SEC16A: variants seen among roughly 807,000 people sequenced by gnomAD.
SEC16A encodes the protein SEC16 homolog A, endoplasmic reticulum export factor.
SEC16A carries 110 observed loss-of-function variants against 221.9 expected under a neutral mutation model. The ratio of observed to expected loss-of-function variants is 0.50; its 90% CI spans 0.42 to 0.58. The LOEUF is 0.58. Ranked by LOEUF, SEC16A falls within the 20% of genes least tolerant of loss-of-function variation. The probability of loss-of-function intolerance (pLI) is 0.00; values close to 1 mark genes in which losing one functional copy is unlikely to be tolerated. For missense variants in SEC16A, 3,165 were observed against 3,097.8 expected (o/e 1.02, Z -0.52); for synonymous variants, 1,393 against 1,257.7 (o/e 1.11, Z -2.28).
Position 136,459,756 on chromosome 9 carries a change from C to A in SEC16A, c.5191+1G>T. On this transcript the variant is annotated splice_donor_variant, in intron 15 of 31. Coordinates refer to ENST00000684901, the MANE Select transcript of SEC16A (RefSeq NM_014866.2). LOFTEE classifies it high-confidence loss of function. The surrounding 1 kb of genome is among the most constrained non-coding windows in gnomAD (Gnocchi z 6.1). Reference sequence around the variant, plus strand: ...AATGCCCATCTCCACCCCTGACCTACCCAGAGTGTCGCCCATGGTAGCCAT... The same window carrying A: ...AATGCCCATCTCCACCCCTGACCTAACCAGAGTGTCGCCCATGGTAGCCAT... The A allele has an allele frequency of 6.2e-7, 1 of 1,605,088 alleles. No homozygotes were observed. Among genetic ancestry groups the A allele is most frequent in the Non-Finnish European group, 8.5e-7 (1 of 1,175,696 alleles).
Position 136,446,890 on chromosome 9 carries a change from C to T in SEC16A, c.6757G>A (p.Gly2253Ser), listed in dbSNP as rs1316610543. The T allele has an allele frequency of 3.7e-6, 6 of 1,613,112 alleles. No individual in the cohort carries two copies. Among genetic ancestry groups the T allele is most frequent in the Non-Finnish European group, 5.1e-6 (6 of 1,179,710 alleles). ...TGREGPAAAR[G>S]LANPEPAPEP... ...GGGGCAGGCTCTGGATTGGCCAGGC[C>T]CCTAGCTGCTGCAGGCCCTTCCCTG... is the stretch of plus-strand genomic sequence containing the variant. Residue 2253 changes from glycine (G) to serine (S), a missense_variant, in exon 28 of 32, where the codon GGC becomes AGC. Transcript: ENST00000684901.
At position 136,477,416 on chromosome 9, in the gene SEC16A, A is replaced by C; in HGVS notation, c.200T>G (p.Leu67Arg). 1 of 1,614,030 alleles carries C rather than the reference A, an allele frequency of 6.2e-7. No individual in the cohort carries two copies. Among genetic ancestry groups the C allele is most frequent in the Non-Finnish European group, 8.5e-7 (1 of 1,179,886 alleles). ...FSRQALQSTP[L>R]GSSSKSSPPV... ...TGGACTGCTTTTGGACGAACTGCCCAGTGGTGTACTTTGGAGCGCCTGTCT... is the reference window on the plus strand; with the variant it reads ...TGGACTGCTTTTGGACGAACTGCCCCGTGGTGTACTTTGGAGCGCCTGTCT... The change falls in exon 3 of 32, where the codon CTG becomes CGG. Residue 67 changes from leucine to arginine, a missense_variant. Coordinates refer to ENST00000684901, the MANE Select transcript of SEC16A (RefSeq NM_014866.2).
At chr9:136,457,662 C>G in intron 17 of SEC16A, 78 bp from the exon 18 acceptor site, 1 of 1,500,748 alleles carries the variant, frequency 6.7e-7, no homozygotes, top group Non-Finnish European at 9.0e-7. Flanking sequence ...TTGTACTGCC[C>G]TGAGGCTCCC....
rs1839243716 is a variant in SEC16A at position 136,459,925 on chromosome 9, T to C, written c.5074-51A>G. The C allele has an allele frequency of 6.4e-7, 1 of 1,565,504 alleles. No homozygotes were observed. Among genetic ancestry groups the C allele is most frequent in the African/African-American group, 1.4e-5 (1 of 73,792 alleles). On this transcript the variant is annotated intron_variant, in intron 14 of 31. Transcript: ENST00000684901. This position sits in a 1 kb window ranked among gnomAD's most constrained non-coding sequence, Gnocchi z 6.1. The stretch of plus-strand genomic sequence containing the variant: ...GCCTCATCCCCGGAAGCCAGCGCCA[T>C]TTCAATTCCACACAGCTGGGCTCAC...
chr9:136,465,931 C>G, intron 8 of SEC16A, 31 bp downstream of exon 8: 1 of 1,592,446 alleles, frequency 6.3e-7, no homozygotes, highest in Non-Finnish European at 8.6e-7. Context: ...GTGGGGTTAG[C>G]CGGTATCCCT....
intron 23 of SEC16A, among the ~76,000 whole-genome samples, chr9:136,451,036 C>T (rs954502663): frequency 9.2e-5 from 14 of 152,122 alleles, no homozygotes; most frequent in Admixed American, 9.2e-4. Context: ...CTCTGGGGGC[C>T]GGGCTGTGTC....
rs566110306 is a variant in SEC16A, at chr9:136,474,298, G to A, written c.3318C>T (p.Val1106=). 3.0e-5 allele frequency: 48 copies of A among 1,609,658 alleles called. No homozygotes were observed. The highest frequency in any genetic ancestry group is 4.4e-5 in the South Asian group (4 of 90,608). The change falls in exon 3 of 32, where the codon GTC becomes GTT. Residue 1106 remains valine, a synonymous_variant. Coordinates refer to ENST00000684901, the MANE Select transcript of SEC16A (RefSeq NM_014866.2). ...SAQSPASLVL[V]DAGQQLPPRP... ...GAGGGGGCAGCTGCTGACCCGCGTC[G>A]ACCAGAACCAGACTTGCTGGTGACT...
rs549725311 is a variant in SEC16A at position 136,467,046 on chromosome 9, T to G, written c.3840A>C (p.Arg1280Ser). The G allele has an allele frequency of 6.2e-7, 1 of 1,613,962 alleles. No homozygotes were observed. Among genetic ancestry groups the G allele is most frequent in the East Asian group, 2.2e-5 (1 of 44,892 alleles). ...GHWDRYHYSA[R>S]VRDPRTYDRR... ...GGTCATAGGTGCGGGGGTCCCTGAC[T>G]CTAGCACTGTAGTGGTAACGATCCC... Residue 1280 changes from arginine to serine, a missense_variant, in exon 6 of 32, where the codon AGA becomes AGC. Coordinates refer to ENST00000684901, the MANE Select transcript of SEC16A (RefSeq NM_014866.2).
At chr9:136,478,223 G>A (rs955871168) in intron 2 of SEC16A, among the ~76,000 whole-genome samples, 4 of 151,960 alleles carry the variant, frequency 2.6e-5, no homozygotes, top group African/African-American at 4.8e-5. Context: ...TGAGCAACAG[G>A]GGGATCTCGT....
chr9:136,459,696 A>G lies in SEC16A; in HGVS notation c.5191+61T>C. The G allele has an allele frequency of 6.9e-7, 1 of 1,446,858 alleles. No individual in the cohort carries two copies. The highest frequency in any genetic ancestry group is 1.4e-5 in the African/African-American group (1 of 71,176). 89.6% of individuals were successfully genotyped at this position (1,446,858 alleles called of 1,614,324 possible). ...CTGGTGATTTCTGCCAACGCCACAG[A>G]CAACCGGGCCTTCGGCGCTCCATCC... is the stretch of plus-strand genomic sequence containing the variant. On this transcript the variant is annotated intron_variant, in intron 15 of 31. Coordinates refer to ENST00000684901, the MANE Select transcript of SEC16A (RefSeq NM_014866.2). This position sits in a 1 kb window ranked among gnomAD's most constrained non-coding sequence, Gnocchi z 6.1.
chr9:136,442,175 C>A (rs914029885), intron 31 of SEC16A, among the ~76,000 whole-genome samples: 2 of 152,240 alleles, frequency 1.3e-5, no homozygotes, highest in Non-Finnish European at 2.9e-5. Context: ...CTGCATGGGA[C>A]GCGGGGACCT....
Position 136,466,415 on chromosome 9 carries a change from C to A in SEC16A, c.3977G>T (p.Gly1326Val). ...NNWRYDPRFT[G>V]SFDDDPDPHR... ...CGGATCGGGGTCATCGTCAAAACTC[C>A]CCGTGAAGCGAGGATCGTACCTCCA... Residue 1326 changes from glycine to valine, a missense_variant, in exon 7 of 32, where the codon GGG becomes GTG. Gly to Val is a moderately radical substitution (Grantham distance 109). This residue lies in a region of SEC16A where 2,030 missense variants were observed against 1,923.1 expected (regional missense o/e 1.06). Transcript: ENST00000684901. The surrounding 1 kb of genome is among the most constrained non-coding windows in gnomAD (Gnocchi z 5.5). 6.2e-7 allele frequency: 1 copy of A among 1,607,348 alleles called. No homozygotes were observed. The highest frequency in any genetic ancestry group is 8.5e-7 in the Non-Finnish European group (1 of 1,177,176).
chr9:136,484,566 C>A (rs1200038997), upstream of SEC16A: 1 of 1,324,646 alleles, frequency 7.5e-7, no homozygotes, highest in Non-Finnish European at 1.0e-6. Context: ...CCGATGGCAT[C>A]GCGGGAGGCT....
rs1474183553 is a variant in SEC16A at position 136,454,222 on chromosome 9, G to T, written c.5963C>A (p.Thr1988Asn). The change falls in exon 21 of 32, where the codon ACC (threonine) becomes AAC (asparagine). Residue 1988 changes from threonine to asparagine, a missense_variant. By Grantham distance (65) the Thr-to-Asn change is moderately conservative. Transcript: ENST00000684901. Reference protein sequence around the residue: ...GPLEPGPGCVTPGPALGFLEP... With the variant: ...GPLEPGPGCVNPGPALGFLEP... ...CAGGAAGCCAAGTGCAGGCCCTGGG[G>T]TCACACAGCCAGGACCCGGCTCCAG... 6.4e-7 allele frequency: 1 copy of T among 1,569,368 alleles called. No individual in the cohort carries two copies. Among genetic ancestry groups the T allele is most frequent in the Non-Finnish European group, 8.6e-7 (1 of 1,157,144 alleles).
In SEC16A at chr9:136,472,062, G is replaced by C; in HGVS notation, c.3617C>G (p.Ala1206Gly). The change falls in exon 4 of 32, where the codon GCG becomes GGG. Residue 1206 changes from alanine to glycine, a missense_variant. Physicochemically the swap from Ala to Gly is moderately conservative, Grantham distance 60 (BLOSUM62 0). This residue lies in a region of SEC16A where 2,030 missense variants were observed against 1,923.1 expected (regional missense o/e 1.06). Coordinates refer to ENST00000684901, the MANE Select transcript of SEC16A (RefSeq NM_014866.2). ...GCGGTAGTTCTGGGCGTAAGCAGAC[G>C]CAGCACCATCATAGGGCCTGTATCG... ...EPRYRPYDGA[A>G]SAYAQNYRYP... 1 of 1,613,558 alleles carries C rather than the reference G, an allele frequency of 6.2e-7. No individual in the cohort carries two copies. Among genetic ancestry groups the C allele is most frequent in the East Asian group, 2.2e-5 (1 of 44,874 alleles).
Position 136,480,007 on chromosome 9 carries a change from AAAAG to A in SEC16A, c.-191-1181_-191-1178del, listed in dbSNP as rs528881345. ...ACAGAGTGAAACTGTCTCAAAAAAA[AAAAG>A]AAGAAAACACTGATCAATGTATTTT... is the stretch of plus-strand genomic sequence containing the variant. On this transcript the variant is annotated intron_variant, in intron 1 of 31. Coordinates refer to ENST00000684901, the MANE Select transcript of SEC16A (RefSeq NM_014866.2). Among the ~76,000 whole-genome samples, 19 of 152,314 alleles carry A rather than the reference AAAAG, an allele frequency of 1.2e-4. No homozygotes were observed. The South Asian group carries it at 3.7e-3, about 30-fold the overall frequency.
chr9:136,441,468 T>A lies in SEC16A; in HGVS notation c.*287A>T. On this transcript the variant is annotated 3_prime_UTR_variant, in exon 32 of 32. Coordinates refer to ENST00000684901, the MANE Select transcript of SEC16A (RefSeq NM_014866.2). ...CATTCTTAAATGACCAGGAATACTA[T>A]ATCCTTAAATCATCCTAAATGACTA... The A allele has an allele frequency of 2.1e-6, 1 of 474,788 alleles. No individual in the cohort carries two copies. The highest frequency in any genetic ancestry group is 3.9e-6 in the Non-Finnish European group (1 of 257,606). 29.4% of individuals were successfully genotyped at this position (474,788 alleles called of 1,614,324 possible).
intron 30 of SEC16A, 99 bp downstream of exon 30, chr9:136,444,953 T>A: frequency 1.1e-6 from 1 of 928,342 alleles, no homozygotes; most frequent in Non-Finnish European, 1.7e-6. Context: ...CGGGCGAGGT[T>A]AGTGGCAAAG....
chr9:136,466,942 G>A lies in SEC16A; in HGVS notation c.3929+15C>T. The A allele has an allele frequency of 6.2e-7, 1 of 1,609,610 alleles. No homozygotes were observed. On this transcript the variant is annotated intron_variant, in intron 6 of 31. Transcript: ENST00000684901. The surrounding 1 kb of genome is among the most constrained non-coding windows in gnomAD (Gnocchi z 5.5). Reference sequence around the variant, plus strand: ...CTGCCCCCAGCCTCTGCCTCCCCAGGGGTGCTCCACCAACCTGTCCCCGAA... The same window carrying A: ...CTGCCCCCAGCCTCTGCCTCCCCAGAGGTGCTCCACCAACCTGTCCCCGAA...
Sources: gnomAD v4.1 joint callset for allele counts (sites outside exome capture counted in the v4.1 genomes callset) on GRCh38, gnomAD v4.1.1 for gene constraint, gnomAD v4.1.1 regional missense constraint, Gnocchi (gnomAD v3.1) non-coding constraint, MANE v1.5 for transcripts, NCBI Gene and HGNC (gene_info 2026-07-23, HGNC 2026-07-21) for gene names.